ZFHX4: variants seen among roughly 807,000 people sequenced by gnomAD.
The protein encoded by ZFHX4 is zinc finger homeobox 4, also known as zinc finger homeobox protein 4.
Under a neutral mutation model 267.6 loss-of-function variants are expected in ZFHX4, and 56 were observed. The ratio of observed to expected loss-of-function variants is 0.21; its 90% CI spans 0.17 to 0.26. ZFHX4 has a LOEUF of 0.26. ZFHX4 is among the 10% of genes least tolerant of loss of function. ZFHX4 has a pLI of 1.00. For missense variants in ZFHX4, 4,332 were observed against 4,420.0 expected (o/e 0.98, Z 0.56); for synonymous variants, 1,778 against 1,665.6 (o/e 1.07, Z -1.64).
At position 76,704,468 on chromosome 8, in the gene ZFHX4, T is replaced by G; in HGVS notation, c.380T>G (p.Leu127Arg). ...SELEDSDVENLTGEIVYQPDG... is the reference protein window; with the variant it reads ...SELEDSDVENRTGEIVYQPDG... ...TTAGAGGACAGTGACGTGGAAAATC[T>G]AACAGGGGAGATCGTTTACCAGCCT... The change falls in exon 2 of 11, where the codon CTA (leucine) becomes CGA (arginine). Residue 127 changes from leucine to arginine, a missense_variant. By Grantham distance (102) the Leu-to-Arg change is moderately radical (BLOSUM62 -2). Around this residue, in one of 7 missense-constraint regions of ZFHX4, gnomAD observed 1,195 missense variants for 1,173.6 expected, o/e 1.02. Coordinates refer to ENST00000651372, the MANE Select transcript of ZFHX4 (RefSeq NM_024721.5). The G allele has an allele frequency of 6.2e-7, 1 of 1,613,970 alleles. No individual in the cohort carries two copies. Among genetic ancestry groups the G allele is most frequent in the East Asian group, 2.2e-5 (1 of 44,882 alleles).
rs958876106 is a variant in ZFHX4, at chr8:76,852,292, A to T, written c.5371A>T (p.Thr1791Ser). Residue 1791 changes from threonine (T) to serine (S), a missense_variant, in exon 10 of 11, where the codon ACT becomes TCT. Thr to Ser is a moderately conservative substitution (Grantham distance 58). Coordinates refer to ENST00000651372, the MANE Select transcript of ZFHX4 (RefSeq NM_024721.5). ...QIQTQHHVGQTQLQILQQQAQ... is the reference protein window; with the variant it reads ...QIQTQHHVGQSQLQILQQQAQ... ...TCAAACCCAACATCACGTTGGTCAA[A>T]CTCAACTCCAGATACTACAGCAACA... is the stretch of plus-strand genomic sequence containing the variant. 2.6e-6 allele frequency: 4 copies of T among 1,564,766 alleles called. No individual in the cohort carries two copies. Among genetic ancestry groups the T allele is most frequent in the African/African-American group, 2.7e-5 (2 of 73,512 alleles).
intron 3 of ZFHX4, among the ~76,000 whole-genome samples, chr8:76,742,516 C>T (rs949617141): frequency 1.3e-5 from 2 of 151,998 alleles, no homozygotes; most frequent in African/African-American, 2.4e-5. Context: ...TACTCTTCAA[C>T]GTTATAATAT....
chr8:76,819,144 T>G (rs1811579788), intron 4 of ZFHX4, among the ~76,000 whole-genome samples: 1 of 29,848 alleles, frequency 3.4e-5, no homozygotes, highest in Non-Finnish European at 6.0e-5. Flanking sequence ...TCATAAAGGT[T>G]TTTTTTTTTT....
At chr8:76,858,721 A>G (rs1812794140) in intron 10 of ZFHX4, among the ~76,000 whole-genome samples, 1 of 152,222 alleles carries the variant, frequency 6.6e-6, no homozygotes, top group Non-Finnish European at 1.5e-5. Context: ...CCAAACAATT[A>G]TCTTCTTTGC....
chr8:76,704,992 CG>C lies in ZFHX4; in HGVS notation c.906del (p.Met303Ter). 6.2e-7 allele frequency: 1 copy of C among 1,613,772 alleles called. No homozygotes were observed. The highest frequency in any genetic ancestry group is 8.5e-7 in the Non-Finnish European group (1 of 1,179,814). ...SFVTHAVHDHRMTLNDEEQKL... is the reference protein window; with the variant it reads ...SFVTHAVHDHXMTLNDEEQKL... Reference sequence around the variant, plus strand: ...TGTAACCCATGCTGTGCATGATCATCGGATGACCCTCAATGACGAGGAGCAG... The same window carrying C: ...TGTAACCCATGCTGTGCATGATCATCGATGACCCTCAATGACGAGGAGCAG... On this transcript the variant is annotated frameshift_variant, in exon 2 of 11. Coordinates refer to ENST00000651372, the MANE Select transcript of ZFHX4 (RefSeq NM_024721.5). LOFTEE classifies it high-confidence loss of function.
rs368338779 is a variant in ZFHX4, at chr8:76,778,724, TC to T, written c.3325+291del. Among the ~76,000 whole-genome samples, 17 of 152,216 alleles carry T rather than the reference TC, an allele frequency of 1.1e-4. 1 individual carries two copies. The highest frequency in any genetic ancestry group is 4.1e-4 in the African/African-American group (17 of 41,530). On this transcript the variant is annotated intron_variant, in intron 4 of 10. Coordinates refer to ENST00000651372, the MANE Select transcript of ZFHX4 (RefSeq NM_024721.5). ...TGGGAGGATCTCACAGTGAAATTTT[TC>T]CCCCCAGAGTGAGCTTTAATTTCCT...
rs571231720 is a variant in ZFHX4 at position 76,805,380 on chromosome 8, A to T, written c.3325+26941A>T. ...GAAAAATGCATCTAAAAGAAATCAG[A>T]TCATAAAGGACTACCTAATTTAGTA... On this transcript the variant is annotated intron_variant, in intron 4 of 10. Transcript: ENST00000651372. 3.9e-5 allele frequency among the ~76,000 whole-genome samples: 6 copies of T among 152,274 alleles called. No homozygotes were observed. In the South Asian group the frequency reaches 1.2e-3, roughly 32 times the overall value.
At chr8:76,777,691 A>G (rs1210579800) in intron 3 of ZFHX4, among the ~76,000 whole-genome samples, 2 of 152,140 alleles carry the variant, frequency 1.3e-5, no homozygotes, top group Non-Finnish European at 2.9e-5. Context: ...ATATTAATTA[A>G]ACCTGAGACC....
rs1326988098 is a variant in ZFHX4 at position 76,853,088 on chromosome 8, C to G, written c.6167C>G (p.Pro2056Arg). Residue 2056 changes from proline (P) to arginine (R), a missense_variant, in exon 10 of 11, where the codon CCC becomes CGC. Pro to Arg is a moderately radical substitution (Grantham distance 103, BLOSUM62 -2). Transcript: ENST00000651372. ...CCTCCTCCTCCTCCTCCTCCTCCCCCCCCACCTCCTCCACCTTCTGCTCCT... is the reference window on the plus strand; with the variant it reads ...CCTCCTCCTCCTCCTCCTCCTCCCCGCCCACCTCCTCCACCTTCTGCTCCT... ...PPPPPPPPPP[P>R]PPPPPSAPPQ... 2.7e-6 allele frequency: 4 copies of G among 1,473,368 alleles called. No homozygotes were observed. Among genetic ancestry groups the G allele is most frequent in the Non-Finnish European group, 2.8e-6 (3 of 1,083,206 alleles). 91.3% of individuals were successfully genotyped at this position (1,473,368 alleles called of 1,614,324 possible).
At position 76,851,077 on chromosome 8, in the gene ZFHX4, C is replaced by T. The variant is rs1488148743; in HGVS notation, c.4156C>T (p.Pro1386Ser). 6.2e-7 allele frequency: 1 copy of T among 1,613,982 alleles called. No homozygotes were observed. The highest frequency in any genetic ancestry group is 8.5e-7 in the Non-Finnish European group (1 of 1,179,884). ...ATTAAATGAACAGCAAAAAAGGCAA[C>T]CGCTCTCTGTTTCTGACCGTCATGT... ...DQLNEQQKRQ[P>S]LSVSDRHVYK... The change falls in exon 10 of 11, where the codon CCG (proline) becomes TCG (serine). Residue 1386 changes from proline to serine, a missense_variant. Pro to Ser is a moderately conservative substitution (Grantham distance 74). Transcript: ENST00000651372.
chr8:76,730,171 A>G (rs73347365), intron 3 of ZFHX4, among the ~76,000 whole-genome samples: 7,533 of 152,242 alleles, frequency 0.049, 396 homozygotes, highest in East Asian at 0.24. Flanking sequence ...TTCCTGGCAG[A>G]CAGGCAATAT....
intron 4 of ZFHX4, among the ~76,000 whole-genome samples, chr8:76,824,531 A>G (rs576089489): frequency 6.6e-6 from 1 of 152,182 alleles, no homozygotes; most frequent in Non-Finnish European, 1.5e-5. Flanking sequence ...TATTACTACC[A>G]GTCCTTCAAA....
chr8:76,814,410 T>C (rs543861636), intron 4 of ZFHX4, among the ~76,000 whole-genome samples: 1 of 152,268 alleles, frequency 6.6e-6, no homozygotes, highest in East Asian at 1.9e-4. Context: ...AAATAGCTTA[T>C]CTAGGCTATT....
chr8:76,852,646 G>T lies in ZFHX4; in HGVS notation c.5725G>T (p.Ala1909Ser). The change falls in exon 10 of 11, where the codon GCC becomes TCC. Residue 1909 changes from alanine to serine, a missense_variant. This residue lies in a region of ZFHX4 where 1,371 missense variants were observed against 1,423.1 expected (regional missense o/e 0.96). Transcript: ENST00000651372. ...AGCTTCAGGGGCCAGAGGAAATGCT[G>T]CCAAAGCGTTATTGGAAAACTTTGG... ...RIASGARGNA[A>S]KALLENFGFE... is the part of the protein sequence containing the mutation. 1 of 1,613,394 alleles carries T rather than the reference G, an allele frequency of 6.2e-7. No individual in the cohort carries two copies. Among genetic ancestry groups the T allele is most frequent in the Non-Finnish European group, 8.5e-7 (1 of 1,179,568 alleles).
Position 76,853,501 on chromosome 8 carries a change from A to G in ZFHX4, c.6580A>G (p.Asn2194Asp). The G allele has an allele frequency of 6.2e-7, 1 of 1,613,916 alleles. No homozygotes were observed. The highest frequency in any genetic ancestry group is 2.2e-5 in the East Asian group (1 of 44,864). Residue 2194 changes from asparagine to aspartate, a missense_variant, in exon 10 of 11, where the codon AAC becomes GAC. Transcript: ENST00000651372. ...ACAGAGAAATAAAGATTCACCATAC[A>G]ACTTCAGTAACCCTCCTATAACGGT... ...ERQRNKDSPY[N>D]FSNPPITVLE...
Position 76,704,381 on chromosome 8 carries a change from ACCACTGCCCTAATGCCCGCCT to A in ZFHX4, c.294_314del (p.His99_Leu105del). On this transcript the variant is annotated inframe_deletion, in exon 2 of 11. Transcript: ENST00000651372. ...CCCAGTTTACAGAAATACATGGAACACCACTGCCCTAATGCCCGCCTTCCTGTCCTGAAGGATGACAACGAG... is the reference window on the plus strand; with the variant it reads ...CCCAGTTTACAGAAATACATGGAACATCCTGTCCTGAAGGATGACAACGAG... 1 of 1,614,030 alleles carries A rather than the reference ACCACTGCCCTAATGCCCGCCT, an allele frequency of 6.2e-7. No individual in the cohort carries two copies. Among genetic ancestry groups the A allele is most frequent in the Non-Finnish European group, 8.5e-7 (1 of 1,179,896 alleles).
intron 3 of ZFHX4, among the ~76,000 whole-genome samples, chr8:76,717,658 G>A (rs1481748802): frequency 2.0e-5 from 3 of 152,118 alleles, no homozygotes; most frequent in Non-Finnish European, 2.9e-5. Flanking sequence ...GTTCAGTGGC[G>A]TGATCACTGC....
chr8:76,817,628 TAGGAAA>T (rs1563539370), intron 4 of ZFHX4, among the ~76,000 whole-genome samples: 1 of 152,180 alleles, frequency 6.6e-6, no homozygotes, highest in Admixed American at 6.5e-5. Context: ...AAGAAGGGAC[TAGGAAA>T]AGGAAAACAG....
At position 76,851,735 on chromosome 8, in the gene ZFHX4, G is replaced by C; in HGVS notation, c.4814G>C (p.Ser1605Thr). 6.2e-7 allele frequency: 1 copy of C among 1,613,914 alleles called. No individual in the cohort carries two copies. Among genetic ancestry groups the C allele is most frequent in the Non-Finnish European group, 8.5e-7 (1 of 1,179,858 alleles). The change falls in exon 10 of 11, where the codon AGC becomes ACC. Residue 1605 changes from serine to threonine, a missense_variant. Physicochemically the swap from Ser to Thr is moderately conservative, Grantham distance 58 (BLOSUM62 1). Transcript: ENST00000651372. ...ATCTGCAATGTTGCATACAGCCAAA[G>C]CTCAACATTGGAAATCCACATGAGG... Reference protein sequence around the residue: ...CSICNVAYSQSSTLEIHMRSV... With the variant: ...CSICNVAYSQTSTLEIHMRSV...
Sources: allele counts gnomAD v4.1 joint callset (sites outside exome capture counted in the v4.1 genomes callset), GRCh38; gene constraint gnomAD v4.1.1; regional missense constraint gnomAD v4.1.1; transcripts MANE v1.5; gene names NCBI Gene and HGNC (gene_info 2026-07-23, HGNC 2026-07-21).